Variants in CHST11 observed in about 807,000 individuals in gnomAD.
CHST11 encodes the protein C4S-1.
In CHST11, 9 loss-of-function variants were observed where a neutral mutation model predicts 30.4. The ratio of observed to expected loss-of-function variants is 0.30; its 90% CI spans 0.18 to 0.52. The LOEUF (loss-of-function observed/expected upper bound fraction) is 0.52. CHST11 is among the 20% of genes least tolerant of loss of function. CHST11 has a pLI of 0.97. For missense variants in CHST11, 348 were observed against 460.6 expected (o/e 0.76, Z 2.24); for synonymous variants, 152 against 187.8 (o/e 0.81, Z 1.56).
Position 104,605,558 on chromosome 12 carries a change from G to T in CHST11, c.204+3567G>T, listed in dbSNP as rs1011468649. On this transcript the variant is annotated intron_variant, in intron 2 of 2. Coordinates refer to ENST00000303694, the MANE Select transcript of CHST11 (RefSeq NM_018413.6). ...TGCGCCACTGCAGTCCAGCCTGGGC[G>T]AAAGAGCCAGACTCCGTCTCAAAAA... 2.0e-5 allele frequency among the ~76,000 whole-genome samples: 3 copies of T among 152,284 alleles called. No individual in the cohort carries two copies. The East Asian group carries it at 5.8e-4, about 29-fold the overall frequency.
chr12:104,466,320 CAAA>C (rs1326014835), intron 1 of CHST11, among the ~76,000 whole-genome samples: 1 of 151,144 alleles, frequency 6.6e-6, no homozygotes, highest in African/African-American at 2.4e-5. Flanking sequence ...CATGGCTGTT[CAAA>C]AAAAACAAAA....
intron 1 of CHST11, among the ~76,000 whole-genome samples, chr12:104,549,942 C>G (rs1195268214): frequency 6.6e-6 from 1 of 152,144 alleles, no homozygotes; most frequent in Non-Finnish European, 1.5e-5. Flanking sequence ...GACATGGACC[C>G]TGTTTTGAAA....
intron 1 of CHST11, among the ~76,000 whole-genome samples, chr12:104,513,630 C>G (rs2037991877): frequency 1.3e-5 from 2 of 152,166 alleles, no homozygotes; most frequent in Non-Finnish European, 2.9e-5. Context: ...TTCTCCAAGG[C>G]AAGTTGAACG....
chr12:104,633,489 A>C (rs939672112), intron 2 of CHST11, among the ~76,000 whole-genome samples: 9 of 135,052 alleles, frequency 6.7e-5, no homozygotes, highest in African/African-American at 2.3e-4. Context: ...ATCTCGGCTC[A>C]CTGCAACCTC....
intron 1 of CHST11, among the ~76,000 whole-genome samples, chr12:104,480,102 CTATACT>C (rs1163134357): frequency 6.6e-6 from 1 of 152,114 alleles, no homozygotes; most frequent in Non-Finnish European, 1.5e-5. Flanking sequence ...GCAAAAGGTT[CTATACT>C]TTAGTTGGTC....
Position 104,620,479 on chromosome 12 carries a change from A to G in CHST11, c.204+18488A>G, listed in dbSNP as rs995387787. ...CTCATCCATAGCCTTCTCTTCCAAC[A>G]TGCCTTTAACAGTACCAAGAAATGG... On this transcript the variant is annotated intron_variant, in intron 2 of 2. Transcript: ENST00000303694. Among the ~76,000 whole-genome samples, 4 of 152,340 alleles carry G rather than the reference A, an allele frequency of 2.6e-5. 1 individual carries two copies. Among genetic ancestry groups the G allele is most frequent in the East Asian group, 1.9e-4 (1 of 5,184 alleles).
At chr12:104,674,174 C>G (rs1421594927) in intron 2 of CHST11, among the ~76,000 whole-genome samples, 1 of 152,070 alleles carries the variant, frequency 6.6e-6, no homozygotes, top group East Asian at 1.9e-4. Flanking sequence ...CAAACCTTAG[C>G]TGTTCTGCTA....
intron 1 of CHST11, among the ~76,000 whole-genome samples, chr12:104,561,122 T>G (rs1051269602): frequency 6.6e-6 from 1 of 152,182 alleles, no homozygotes; most frequent in African/African-American, 2.4e-5. Context: ...GAGTGTCAGA[T>G]GAAGAAACAT....
intron 2 of CHST11, among the ~76,000 whole-genome samples, chr12:104,686,100 G>A (rs1176933062): frequency 6.6e-6 from 1 of 152,012 alleles, no homozygotes; most frequent in Admixed American, 6.6e-5. Context: ...GGGCATGGTG[G>A]TGCATACCCG....
At chr12:104,559,684 A>C (rs141051382) in intron 1 of CHST11, among the ~76,000 whole-genome samples, 2,258 of 152,316 alleles carry the variant, frequency 0.015, 108 homozygotes, top group East Asian at 0.14. Context: ...CAGAGGTTGC[A>C]GTGAGCCAAG....
chr12:104,542,990 G>C (rs918137492), intron 1 of CHST11, among the ~76,000 whole-genome samples: 1 of 152,152 alleles, frequency 6.6e-6, no homozygotes, highest in Non-Finnish European at 1.5e-5. Flanking sequence ...TGCTATAAAG[G>C]GATACCTGAG....
chr12:104,626,481 C>A lies in CHST11; in HGVS notation c.204+24490C>A, dbSNP rs2039215154. On this transcript the variant is annotated intron_variant, in intron 2 of 2. Coordinates refer to ENST00000303694, the MANE Select transcript of CHST11 (RefSeq NM_018413.6). Reference sequence around the variant, plus strand: ...AAACAAGGAGAGCTATAATACTTTACAGGATTGGGGCAGAGCACATGAAAT... The same window carrying A: ...AAACAAGGAGAGCTATAATACTTTAAAGGATTGGGGCAGAGCACATGAAAT... Among the ~76,000 whole-genome samples, 4 of 149,756 alleles carry A rather than the reference C, an allele frequency of 2.7e-5. No homozygotes were observed. The Admixed American group carries it at 2.7e-4, about 10-fold the overall frequency.
intron 2 of CHST11, among the ~76,000 whole-genome samples, chr12:104,708,214 A>C (rs150580512): frequency 6.6e-6 from 1 of 152,228 alleles, no homozygotes; most frequent in African/African-American, 2.4e-5. Flanking sequence ...AGTTAGGCCA[A>C]CTTGGGTTCA....
intron 2 of CHST11, among the ~76,000 whole-genome samples, chr12:104,663,514 T>TA (rs930688198): frequency 6.6e-6 from 1 of 152,244 alleles, no homozygotes; most frequent in Non-Finnish European, 1.5e-5. Context: ...TTGTATTTTT[T>TA]AAAAAATGAA....
In CHST11 at chr12:104,583,964, C is replaced by T. The variant is rs569018888; in HGVS notation, c.119-17942C>T. ...CCGACCTCAAGTGATCCGCCCTCCT[C>T]GGCCTCCCAAAGTGCTGGGATTACA... On this transcript the variant is annotated intron_variant, in intron 1 of 2. Transcript: ENST00000303694. Among the ~76,000 whole-genome samples the T allele has an allele frequency of 1.9e-3, 296 of 152,322 alleles. 3 individuals carry two copies. Among genetic ancestry groups the T allele is most frequent in the African/African-American group, 6.5e-3 (272 of 41,580 alleles).
At position 104,510,792 on chromosome 12, in the gene CHST11, T is replaced by C. The variant is rs186826432; in HGVS notation, c.118+53263T>C. The stretch of plus-strand genomic sequence containing the variant: ...ATGAGAAGTTGGTTAGTGATTCTTG[T>C]AAGTGTATGTGAGTTTCTTGTTTTT... On this transcript the variant is annotated intron_variant, in intron 1 of 2. Coordinates refer to ENST00000303694, the MANE Select transcript of CHST11 (RefSeq NM_018413.6). 2.8e-3 allele frequency among the ~76,000 whole-genome samples: 418 copies of C among 151,998 alleles called. 3 individuals are homozygous for C. The highest frequency in any genetic ancestry group is 1.4e-3 in the Non-Finnish European group (96 of 67,996).
rs183933566 is a variant in CHST11 at position 104,540,745 on chromosome 12, C to G, written c.119-61161C>G. Among the ~76,000 whole-genome samples, 811 of 148,172 alleles carry G rather than the reference C, an allele frequency of 5.5e-3. 2 individuals carry two copies. The highest frequency in any genetic ancestry group is 9.0e-3 in the Admixed American group (134 of 14,856). On this transcript the variant is annotated intron_variant, in intron 1 of 2. Transcript: ENST00000303694. ...GCCACGGCTCCAATCTCTCTAATTACAAAATTAATGAGGGCTGGAGGCAAA... is the reference window on the plus strand; with the variant it reads ...GCCACGGCTCCAATCTCTCTAATTAGAAAATTAATGAGGGCTGGAGGCAAA...
intron 1 of CHST11, among the ~76,000 whole-genome samples, chr12:104,481,112 T>G (rs569545743): frequency 2.0e-5 from 3 of 152,364 alleles, no homozygotes; most frequent in Admixed American, 2.0e-4. Flanking sequence ...CTTTCTGCTC[T>G]GCTGTAACAC....
intron 2 of CHST11, among the ~76,000 whole-genome samples, chr12:104,750,455 T>TTTTTTTTTTTTTTG (rs1566064739): frequency 2.6e-5 from 3 of 117,466 alleles, no homozygotes; most frequent in Non-Finnish European, 3.5e-5. Flanking sequence ...TTTTTTTTTT[T>TTTTTTTTTTTTTTG]TGTTGAGACT....
Sources: allele counts gnomAD v4.1 joint callset (sites outside exome capture counted in the v4.1 genomes callset), GRCh38; gene constraint gnomAD v4.1.1; transcripts MANE v1.5; gene names NCBI Gene and HGNC (gene_info 2026-07-23, HGNC 2026-07-21).